LONP1: variants seen among roughly 807,000 people sequenced by gnomAD.
LONP1 encodes lon peptidase 1, mitochondrial.
Under a neutral mutation model 98.5 loss-of-function variants are expected in LONP1, and 31 were observed. The ratio of observed to expected loss-of-function variants is 0.31; its 90% CI spans 0.24 to 0.42. LONP1 has a LOEUF of 0.42. Among genes scored for constraint, LONP1 ranks in the 20% least tolerant of loss-of-function variants. The pLI, the probability that LONP1 is intolerant of heterozygous loss-of-function variation, is 1.00. For missense variants in LONP1, 1,336 were observed against 1,350.6 expected (o/e 0.99, Z 0.17); for synonymous variants, 781 against 594.7 (o/e 1.31, Z -4.56).
chr19:5,692,242 C>T (rs1158928411), intron 17 of LONP1, 34 bp from the exon 18 acceptor site: 7 of 1,580,142 alleles, frequency 4.4e-6, no homozygotes, highest in Non-Finnish European at 6.0e-6. Flanking sequence ...CCTGCCTGGG[C>T]CTGTGGGAGG....
intron 2 of LONP1, 84 bp downstream of exon 2, chr19:5,714,099 A>C (rs991703273): frequency 3.8e-6 from 4 of 1,054,448 alleles, no homozygotes; most frequent in Admixed American, 4.7e-5. Flanking sequence ...CAGGGGTCAA[A>C]GGTGCAAAGT....
In LONP1 at chr19:5,692,058, C is replaced by G; in HGVS notation, c.2854G>C (p.Ala952Pro). The G allele has an allele frequency of 1.9e-6, 3 of 1,613,738 alleles. No individual in the cohort carries two copies. Among genetic ancestry groups the G allele is most frequent in the South Asian group, 1.1e-5 (1 of 91,068 alleles). ...IFDIAFPDEQ[A>P]EALAVER is the part of the protein sequence containing the mutation. ...CACCGTTCCACGGCCAGCGCCTCTGCCTGCTCGTCCGGGAAGGCGATGTCG... is the reference window on the plus strand; with the variant it reads ...CACCGTTCCACGGCCAGCGCCTCTGGCTGCTCGTCCGGGAAGGCGATGTCG... Residue 952 changes from alanine (A) to proline (P), a missense_variant, in exon 18 of 18, where the codon GCA (alanine) becomes CCA (proline). By Grantham distance (27) the Ala-to-Pro change is conservative. Transcript: ENST00000360614.
intron 13 of LONP1, among the ~76,000 whole-genome samples, chr19:5,695,785 C>G (rs949064890): frequency 7.2e-5 from 11 of 152,232 alleles, no homozygotes; most frequent in Non-Finnish European, 1.3e-4. Flanking sequence ...CATGGGGCAG[C>G]CTGGAGGCCC....
intron 8 of LONP1, among the ~76,000 whole-genome samples, chr19:5,705,500 C>T (rs999999969): frequency 2.6e-5 from 4 of 151,200 alleles, no homozygotes; most frequent in African/African-American, 7.3e-5. Flanking sequence ...TAGAGCCAGG[C>T]GTCCCTGGGC....
At chr19:5,714,390 C>T in intron 1 of LONP1, 119 bp from the exon 2 acceptor site, 1 of 682,486 alleles carries the variant, frequency 1.5e-6, no homozygotes, top group South Asian at 1.7e-5. Context: ...GCAACCTCCA[C>T]CCCCACTGAG....
At chr19:5,714,068 C>G in intron 2 of LONP1, 115 bp downstream of exon 2, 2 of 745,020 alleles carry the variant, frequency 2.7e-6, no homozygotes, top group Non-Finnish European at 2.2e-6. Flanking sequence ...TTCTGGAGGT[C>G]TTCCCTGGTT....
chr19:5,716,529 G>C (rs2055326305), intron 1 of LONP1, among the ~76,000 whole-genome samples: 2 of 149,732 alleles, frequency 1.3e-5, no homozygotes, highest in Middle Eastern at 6.8e-3. Context: ...TTGTGGTCCA[G>C]AAATTCCTGA....
rs536279727 is a variant in LONP1, at chr19:5,702,533, A to G, written c.1368-1606T>C. ...CCGCCCCATCTGGGAGGTGTACCCAACAGCTCATTGAGAACGGGCCATGAT... is the reference window on the plus strand; with the variant it reads ...CCGCCCCATCTGGGAGGTGTACCCAGCAGCTCATTGAGAACGGGCCATGAT... On this transcript the variant is annotated intron_variant, in intron 8 of 17. Coordinates refer to ENST00000360614, the MANE Select transcript of LONP1 (RefSeq NM_004793.4). Among the ~76,000 whole-genome samples the G allele has an allele frequency of 5.4e-4, 81 of 149,740 alleles. 1 individual carries two copies. Among genetic ancestry groups the G allele is most frequent in the African/African-American group, 1.6e-3 (67 of 41,444 alleles).
In LONP1 at chr19:5,699,213, CAG is replaced by C. The variant is rs765934500; in HGVS notation, c.1507-10_1507-9del. On this transcript the variant is annotated splice_polypyrimidine_tract_variant and intron_variant, in intron 9 of 17. Coordinates refer to ENST00000360614, the MANE Select transcript of LONP1 (RefSeq NM_004793.4). ...GCTAACGGCAATGAACTCCTGCAGACAGAGGCAGGTTCAGTGGGCACGTGAGC... is the reference window on the plus strand; with the variant it reads ...GCTAACGGCAATGAACTCCTGCAGACAGGCAGGTTCAGTGGGCACGTGAGC... 8 of 1,492,516 alleles carry C rather than the reference CAG, an allele frequency of 5.4e-6. No homozygotes were observed. Among genetic ancestry groups the C allele is most frequent in the Non-Finnish European group, 7.2e-6 (8 of 1,115,696 alleles). 92.5% of individuals were successfully genotyped at this position (1,492,516 alleles called of 1,614,324 possible).
rs1030300664 is a variant in LONP1, at chr19:5,700,663, C to T, written c.1506+126G>A. 3.4e-5 allele frequency: 45 copies of T among 1,341,620 alleles called. 1 individual carries two copies. The highest frequency in any genetic ancestry group is 9.9e-5 in the South Asian group (7 of 70,524). The allele number at this position is 1,341,620 out of a possible 1,614,324, so 83.1% of individuals were successfully genotyped here. A position where few individuals can be genotyped will look rare whatever the true frequency, so the allele number is the denominator to read the frequency against. On this transcript the variant is annotated intron_variant, in intron 9 of 17. Transcript: ENST00000360614. ...GATGCTACCTCCGCCGGGATCCCCC[C>T]GACCAGCACCCCCAGGCCTACGAAT...
At chr19:5,709,111 C>T (rs1231268259) in intron 4 of LONP1, among the ~76,000 whole-genome samples, 1 of 151,674 alleles carries the variant, frequency 6.6e-6, no homozygotes, top group Non-Finnish European at 1.5e-5. Context: ...AATTCTTGGG[C>T]TCAAGCGATC....
chr19:5,708,150 C>T, intron 5 of LONP1, 192 bp downstream of exon 5: 1 of 627,048 alleles, frequency 1.6e-6, no homozygotes, highest in Non-Finnish European at 2.8e-6. Context: ...AGAAACTGGG[C>T]CTGCTGAGTC....
At chr19:5,696,548 A>G (rs1599449455) in intron 11 of LONP1, 122 bp downstream of exon 11, 2 of 1,283,868 alleles carry the variant, frequency 1.6e-6, no homozygotes, top group Admixed American at 2.2e-5. Context: ...CCGTGCCATC[A>G]GGGCCAGCAT....
At chr19:5,700,766 A>G in intron 9 of LONP1, 23 bp downstream of exon 9, 1 of 1,613,646 alleles carries the variant, frequency 6.2e-7, no homozygotes, top group Non-Finnish European at 8.5e-7. Context: ...GCAAATCCAC[A>G]ACAGGCCAGA....
chr19:5,692,083 G>T lies in LONP1; in HGVS notation c.2829C>A (p.Phe943Leu). The change falls in exon 18 of 18, where the codon TTC (phenylalanine) becomes TTA (leucine). Residue 943 changes from phenylalanine (F) to leucine (L), a missense_variant. By Grantham distance (22) the Phe-to-Leu change is conservative. Transcript: ENST00000360614. ...VHFVEHYREI[F>L]DIAFPDEQAE... ...CCTGCTCGTCCGGGAAGGCGATGTC[G>T]AAGATCTCCCGGTAGTGTTCCACGA... The T allele has an allele frequency of 1.2e-6, 2 of 1,610,578 alleles. No individual in the cohort carries two copies. The highest frequency in any genetic ancestry group is 1.7e-6 in the Non-Finnish European group (2 of 1,177,888).
intron 1 of LONP1, among the ~76,000 whole-genome samples, chr19:5,715,372 G>A (rs61392992): frequency 0.054 from 8,034 of 149,214 alleles, 753 homozygotes; most frequent in African/African-American, 0.19. Flanking sequence ...GGCTGGGCGC[G>A]GTGGCTCACG....
chr19:5,709,276 G>T (rs1333783501), intron 4 of LONP1, among the ~76,000 whole-genome samples: 3 of 151,340 alleles, frequency 2.0e-5, no homozygotes, highest in Non-Finnish European at 1.5e-5. Context: ...GTCACTTGAG[G>T]CCAGGAGCTC....
chr19:5,694,249 G>T, intron 15 of LONP1, 138 bp downstream of exon 15: 1 of 1,138,260 alleles, frequency 8.8e-7, no homozygotes, highest in Non-Finnish European at 1.2e-6. Flanking sequence ...GACCCCCTGG[G>T]CTCCCAGCAC....
chr19:5,695,938 C>T, intron 13 of LONP1, 116 bp downstream of exon 13: 1 of 816,708 alleles, frequency 1.2e-6, no homozygotes, highest in East Asian at 2.7e-5. Context: ...TCCTCGGCCG[C>T]AGGTCCCACC....
Sources: allele counts gnomAD v4.1 joint callset (sites outside exome capture counted in the v4.1 genomes callset), GRCh38; gene constraint gnomAD v4.1.1; transcripts MANE v1.5; gene names NCBI Gene and HGNC (gene_info 2026-07-23, HGNC 2026-07-21).